Variants in EGFLAM observed in about 807,000 individuals in gnomAD.
The protein encoded by EGFLAM is EGF like, fibronectin type III and laminin G domains, also known as pikachurin.
In EGFLAM, 79 loss-of-function variants were observed where a neutral mutation model predicts 113.1. That is an observed-to-expected ratio of 0.70 (90% CI 0.58 to 0.84). The LOEUF is 0.84. Among genes scored for constraint, EGFLAM ranks in the 40% least tolerant of loss-of-function variants. The probability of loss-of-function intolerance (pLI) is 0.00; values close to 1 mark genes in which losing one functional copy is unlikely to be tolerated. For synonymous variants in EGFLAM, 504 were observed against 487.6 expected (o/e 1.03, Z -0.44); for missense variants, 1,265 against 1,291.6 (o/e 0.98, Z 0.32).
intron 21 of EGFLAM, 125 bp from the exon 22 acceptor site, chr5:38,463,707 C>T: frequency 4.3e-6 from 5 of 1,172,454 alleles, no homozygotes; most frequent in South Asian, 2.9e-5. Flanking sequence ...ACAGCCCTCA[C>T]ATGTCCCATG....
chr5:38,438,521 G>GA (rs1742434044), intron 17 of EGFLAM, 66 bp downstream of exon 17: 1 of 1,425,960 alleles, frequency 7.0e-7, no homozygotes. Context: ...CCAATTGGGG[G>GA]ACCACAACTC....
intron 17 of EGFLAM, among the ~76,000 whole-genome samples, chr5:38,441,998 G>A (rs1432556360): frequency 1.3e-5 from 2 of 152,148 alleles, no homozygotes; most frequent in East Asian, 1.9e-4. Flanking sequence ...CATCAGGGGC[G>A]CACAGTCCTC....
chr5:38,311,505 G>A (rs928452070), intron 1 of EGFLAM, among the ~76,000 whole-genome samples: 6 of 152,166 alleles, frequency 3.9e-5, no homozygotes, highest in Admixed American at 3.9e-4. Context: ...CATCCATGCT[G>A]TTGCAAATAA....
At chr5:38,319,374 A>G (rs2111887824) in intron 1 of EGFLAM, among the ~76,000 whole-genome samples, 1 of 152,346 alleles carries the variant, frequency 6.6e-6, no homozygotes, top group Non-Finnish European at 1.5e-5. Flanking sequence ...GAGGCTGGAT[A>G]CAGTCACAGC....
intron 6 of EGFLAM, among the ~76,000 whole-genome samples, chr5:38,389,984 G>A (rs1193771620): frequency 6.6e-6 from 1 of 152,052 alleles, no homozygotes; most frequent in Non-Finnish European, 1.5e-5. Context: ...GTTATTTTAA[G>A]TGTGGTGAAA....
At chr5:38,379,384 A>G (rs1740449861) in intron 6 of EGFLAM, among the ~76,000 whole-genome samples, 1 of 152,016 alleles carries the variant, frequency 6.6e-6, no homozygotes, top group Non-Finnish European at 1.5e-5. Flanking sequence ...GACGCAGAGA[A>G]CACAGGAGAG....
chr5:38,275,817 C>A (rs1454126922), intron 1 of EGFLAM, among the ~76,000 whole-genome samples: 1 of 151,924 alleles, frequency 6.6e-6, no homozygotes, highest in Non-Finnish European at 1.5e-5. Context: ...ATATATTAGG[C>A]CACAAAACAA....
At chr5:38,273,775 T>C (rs1396644350) in intron 1 of EGFLAM, among the ~76,000 whole-genome samples, 1 of 152,250 alleles carries the variant, frequency 6.6e-6, no homozygotes. Flanking sequence ...AAGTATCTGC[T>C]TCATCAATGT....
At chr5:38,425,366 C>T (rs1741967655) in intron 13 of EGFLAM, among the ~76,000 whole-genome samples, 1 of 152,106 alleles carries the variant, frequency 6.6e-6, no homozygotes, top group South Asian at 2.1e-4. Flanking sequence ...GGGATTTCAC[C>T]ATGTTGCCCA....
chr5:38,458,255 G>A (rs1313668394), intron 19 of EGFLAM, 56 bp from the exon 20 acceptor site: 1 of 1,537,334 alleles, frequency 6.5e-7, no homozygotes, highest in Non-Finnish European at 8.9e-7. Context: ...AACCGTGTCT[G>A]CTTATGCCTC....
At chr5:38,456,767 A>T (rs1307709407) in intron 19 of EGFLAM, among the ~76,000 whole-genome samples, 1 of 152,178 alleles carries the variant, frequency 6.6e-6, no homozygotes, top group Non-Finnish European at 1.5e-5. Flanking sequence ...TTTTCTCTCG[A>T]CATCCCTCTC....
chr5:38,393,121 G>T (rs1042732512), intron 6 of EGFLAM, among the ~76,000 whole-genome samples: 8 of 151,612 alleles, frequency 5.3e-5, no homozygotes, highest in Non-Finnish European at 8.8e-5. Context: ...AAATTCTGTT[G>T]GATTTTAAAA....
chr5:38,438,485 C>T (rs771634554), intron 17 of EGFLAM, 30 bp downstream of exon 17: 1 of 1,535,796 alleles, frequency 6.5e-7, no homozygotes, highest in Non-Finnish European at 8.8e-7. Context: ...GCACAGCTCC[C>T]TGGAGGGAGT....
At chr5:38,383,270 T>G (rs1244367823) in intron 6 of EGFLAM, among the ~76,000 whole-genome samples, 6 of 152,220 alleles carry the variant, frequency 3.9e-5, no homozygotes, top group Non-Finnish European at 2.9e-5. Context: ...TTTACAATGC[T>G]GTGTCAAAAT....
intron 6 of EGFLAM, among the ~76,000 whole-genome samples, chr5:38,396,258 G>C (rs1464920588): frequency 1.1e-5 from 1 of 92,572 alleles, no homozygotes; most frequent in African/African-American, 6.3e-5. Flanking sequence ...CCCACAGAAG[G>C]AGAGAGAGAG....
At chr5:38,331,107 G>T (rs935245495) in intron 1 of EGFLAM, among the ~76,000 whole-genome samples, 3 of 152,128 alleles carry the variant, frequency 2.0e-5, no homozygotes, top group African/African-American at 7.2e-5. Flanking sequence ...AGACTATTTA[G>T]AGTTTCAAAT....
Position 38,320,813 on chromosome 5 carries a change from G to A in EGFLAM, c.98-16707G>A, listed in dbSNP as rs537043078. ...CCAAACAAGGTGTGGAGGAACCACC[G>A]GGGAAAGGCCAAGGTGATATTTACC... is the stretch of plus-strand genomic sequence containing the variant. On this transcript the variant is annotated intron_variant, in intron 1 of 21. Coordinates refer to ENST00000322350, the MANE Select transcript of EGFLAM (RefSeq NM_152403.4). Among the ~76,000 whole-genome samples the A allele has an allele frequency of 5.2e-4, 79 of 152,184 alleles. 1 individual carries two copies. In the East Asian group the frequency reaches 9.3e-3, roughly 18 times the overall value.
chr5:38,342,494 T>A (rs1739361695), intron 3 of EGFLAM, among the ~76,000 whole-genome samples: 1 of 152,182 alleles, frequency 6.6e-6, no homozygotes, highest in Non-Finnish European at 1.5e-5. Context: ...AAATGGTTAA[T>A]CTGATTTAAC....
At chr5:38,428,888 T>C (rs1742100022) in intron 14 of EGFLAM, among the ~76,000 whole-genome samples, 1 of 152,246 alleles carries the variant, frequency 6.6e-6, no homozygotes, top group Non-Finnish European at 1.5e-5. Context: ...AATTAGGTGA[T>C]GAAAATGAGG....
Sources: allele counts gnomAD v4.1 joint callset (sites outside exome capture counted in the v4.1 genomes callset), GRCh38; gene constraint gnomAD v4.1.1; transcripts MANE v1.5; gene names NCBI Gene and HGNC (gene_info 2026-07-23, HGNC 2026-07-21).